TBC1D32: variants seen among roughly 807,000 people sequenced by gnomAD.
TBC1D32 encodes TBC1 domain family member 32, also known as protein broad-minded.
A neutral mutation model predicts 170.3 loss-of-function variants in TBC1D32; 151 were observed. That is an observed-to-expected ratio of 0.89 (90% CI 0.78 to 1.01). TBC1D32 has a LOEUF of 1.01. TBC1D32 is among the 50% of genes least tolerant of loss of function. The probability of loss-of-function intolerance (pLI) is 0.00; values close to 1 mark genes in which losing one functional copy is unlikely to be tolerated. For synonymous variants in TBC1D32, 498 were observed against 488.0 expected (o/e 1.02, Z -0.27); for missense variants, 1,464 against 1,457.1 (o/e 1.00, Z -0.08).
chr6:121,104,110 G>T (rs1192587916), intron 30 of TBC1D32, among the ~76,000 whole-genome samples: 3 of 151,566 alleles, frequency 2.0e-5, no homozygotes, highest in Non-Finnish European at 4.4e-5. Flanking sequence ...TTTAATAAAT[G>T]ATATAAAGTT....
At chr6:121,303,910 G>A (rs4946562) in intron 8 of TBC1D32, 149 bp from the exon 9 acceptor site, 355,560 of 457,292 alleles carry the variant, frequency 0.78, 146,496 homozygotes, top group Non-Finnish European at 0.85. Context: ...CAATGTTTCT[G>A]CTTTAACTAC....
chr6:121,182,685 C>A (rs964970187), intron 22 of TBC1D32, among the ~76,000 whole-genome samples: 7 of 151,896 alleles, frequency 4.6e-5, no homozygotes, highest in African/African-American at 1.4e-4. Context: ...TATGTTATAT[C>A]CACCAATCTA....
At chr6:121,102,734 CAAATGGGATCTAATT>C (rs1778257274) in intron 30 of TBC1D32, among the ~76,000 whole-genome samples, 2 of 152,058 alleles carry the variant, frequency 1.3e-5, no homozygotes, top group African/African-American at 4.8e-5. Context: ...CCAAAATTGA[CAAATGGGATCTAATT>C]AAACTAAAGA....
At position 121,289,448 on chromosome 6, in the gene TBC1D32, C is replaced by T. The variant is rs199616356; in HGVS notation, c.1372+2605G>A. Among the ~76,000 whole-genome samples the T allele has an allele frequency of 9.9e-5, 15 of 152,148 alleles. No individual in the cohort carries two copies. The East Asian group carries it at 1.4e-3, about 14-fold the overall frequency. ...ACCTAGGAATCCAACTTACGAGGGA[C>T]GTGAAGGACCTCCTCAAGGAGAACT... On this transcript the variant is annotated intron_variant, in intron 12 of 31. Coordinates refer to ENST00000398212, the MANE Select transcript of TBC1D32 (RefSeq NM_152730.6).
intron 22 of TBC1D32, among the ~76,000 whole-genome samples, chr6:121,179,152 T>C (rs578129115): frequency 2.0e-5 from 3 of 151,856 alleles, no homozygotes; most frequent in Non-Finnish European, 4.4e-5. Flanking sequence ...GAGAAAACAA[T>C]TGGAAATGGC....
At chr6:121,322,785 A>G (rs577152223) in intron 1 of TBC1D32, among the ~76,000 whole-genome samples, 4 of 152,316 alleles carry the variant, frequency 2.6e-5, no homozygotes, top group East Asian at 3.9e-4. Context: ...GAAATATAGC[A>G]TTGGGGAAAG....
At chr6:121,174,488 T>C (rs1334098225) in intron 22 of TBC1D32, among the ~76,000 whole-genome samples, 1 of 152,014 alleles carries the variant, frequency 6.6e-6, no homozygotes, top group Non-Finnish European at 1.5e-5. Context: ...ACCATTGGGG[T>C]ATCCAGGCAA....
chr6:121,215,049 C>A (rs1793650580), intron 21 of TBC1D32, among the ~76,000 whole-genome samples: 1 of 152,210 alleles, frequency 6.6e-6, no homozygotes, highest in South Asian at 2.1e-4. Flanking sequence ...GCTCAGCTCT[C>A]AGCAGAGAGG....
intron 20 of TBC1D32, among the ~76,000 whole-genome samples, chr6:121,227,225 TGC>T (rs1795184254): frequency 6.6e-6 from 1 of 152,172 alleles, no homozygotes; most frequent in Admixed American, 6.6e-5. Flanking sequence ...ACACTAAGAA[TGC>T]ATTTAGATTC....
chr6:121,324,797 A>C (rs1410658420), intron 1 of TBC1D32, among the ~76,000 whole-genome samples: 1 of 152,212 alleles, frequency 6.6e-6, no homozygotes, highest in African/African-American at 2.4e-5. Context: ...AAATTCAAAA[A>C]TTAAGGTTTC....
At chr6:121,142,053 C>A (rs10456938) in intron 24 of TBC1D32, among the ~76,000 whole-genome samples, 55,769 of 152,202 alleles carry the variant, frequency 0.37, 13,120 homozygotes, top group Non-Finnish European at 0.53. Context: ...TTATTACCGA[C>A]AAATTGTGTT....
intron 24 of TBC1D32, among the ~76,000 whole-genome samples, chr6:121,138,848 CTT>C (rs528895925): frequency 8.4e-5 from 12 of 143,546 alleles, no homozygotes; most frequent in Non-Finnish European, 1.1e-4. Context: ...TATTATTTTT[CTT>C]TTTTTTTTTT....
intron 22 of TBC1D32, among the ~76,000 whole-genome samples, chr6:121,173,802 G>A (rs1787393455): frequency 6.6e-6 from 1 of 151,896 alleles, no homozygotes; most frequent in South Asian, 2.1e-4. Context: ...ATCTAACCAG[G>A]AGCATGACCC....
intron 21 of TBC1D32, among the ~76,000 whole-genome samples, chr6:121,212,028 C>CACACACACACACACACACACACAT (rs1179203925): frequency 7.0e-6 from 1 of 143,136 alleles, no homozygotes; most frequent in African/African-American, 2.6e-5. Flanking sequence ...CACACACACA[C>CACACACACACACACACACACACAT]GACAAAAGGG....
chr6:121,269,527 A>G (rs1801048927), intron 15 of TBC1D32, among the ~76,000 whole-genome samples: 1 of 152,200 alleles, frequency 6.6e-6, no homozygotes, highest in South Asian at 2.1e-4. Context: ...GACATTACAT[A>G]ATGGTAAAGG....
chr6:121,199,179 A>G (rs1431011336), intron 22 of TBC1D32, among the ~76,000 whole-genome samples: 1 of 151,452 alleles, frequency 6.6e-6, no homozygotes, highest in Non-Finnish European at 1.5e-5. Flanking sequence ...GTGGAGCAAC[A>G]ATTATAAACA....
chr6:121,292,842 C>T (rs192747523), intron 11 of TBC1D32, among the ~76,000 whole-genome samples: 49 of 152,274 alleles, frequency 3.2e-4, no homozygotes, highest in African/African-American at 8.4e-4. Flanking sequence ...AGGGCTCCTC[C>T]TCCTGAGAGA....
chr6:121,226,407 T>C (rs868622637), intron 20 of TBC1D32, among the ~76,000 whole-genome samples: 1 of 152,114 alleles, frequency 6.6e-6, no homozygotes, highest in African/African-American at 2.4e-5. Flanking sequence ...AGAGATGTGC[T>C]ACATTAATGA....
chr6:121,311,748 G>C (rs569390387), intron 3 of TBC1D32, among the ~76,000 whole-genome samples: 2 of 151,598 alleles, frequency 1.3e-5, no homozygotes, highest in Admixed American at 1.3e-4. Context: ...AAAAATGTAA[G>C]GAAACAACAG....
Sources: allele counts gnomAD v4.1 joint callset (sites outside exome capture counted in the v4.1 genomes callset), GRCh38; gene constraint gnomAD v4.1.1; transcripts MANE v1.5; gene names NCBI Gene and HGNC (gene_info 2026-07-23, HGNC 2026-07-21).